Variants in EIF4E2 observed in about 807,000 individuals in gnomAD.
EIF4E2 encodes eukaryotic translation initiation factor 4E type 2.
A neutral mutation model predicts 34.2 loss-of-function variants in EIF4E2; 13 were observed. The ratio of observed to expected loss-of-function variants is 0.38; its 90% CI spans 0.25 to 0.60. The LOEUF is 0.60. Ranked by LOEUF, EIF4E2 falls within the 20% of genes least tolerant of loss-of-function variation. EIF4E2 has a pLI of 0.62. For missense variants in EIF4E2, 222 were observed against 315.1 expected (o/e 0.70, Z 2.24); for synonymous variants, 100 against 106.6 (o/e 0.94, Z 0.38).
intron 3 of EIF4E2, among the ~76,000 whole-genome samples, chr2:232,563,633 T>C (rs1229623034): frequency 6.6e-6 from 1 of 152,154 alleles, no homozygotes; most frequent in Non-Finnish European, 1.5e-5. Context: ...CACCATGATG[T>C]AGAGTGGTAT....
At chr2:232,564,451 A>G in intron 4 of EIF4E2, 100 bp downstream of exon 4, 1 of 597,610 alleles carries the variant, frequency 1.7e-6, no homozygotes, top group Non-Finnish European at 2.8e-6. Flanking sequence ...ATTTTATTTT[A>G]TTTTATTTTA....
chr2:232,561,107 T>C (rs1692706747), intron 3 of EIF4E2, among the ~76,000 whole-genome samples: 1 of 152,166 alleles, frequency 6.6e-6, no homozygotes, highest in African/African-American at 2.4e-5. Flanking sequence ...GTTTGGGGAA[T>C]ACTGCCTTGG....
At position 232,556,428 on chromosome 2, in the gene EIF4E2, T is replaced by C; in HGVS notation, c.33T>C (p.Asp11=). The C allele has an allele frequency of 6.2e-7, 1 of 1,613,526 alleles. No individual in the cohort carries two copies. The highest frequency in any genetic ancestry group is 2.2e-5 in the East Asian group (1 of 44,874). Residue 11 remains aspartate (D), a synonymous_variant, in exon 2 of 7, where the codon GAT becomes GAC. Transcript: ENST00000258416. ...CCTTTCCATTCAGTTTGAAAGATGA[T>C]GACAGTGGGGACCATGATCAGAATG... is the stretch of plus-strand genomic sequence containing the variant. The part of the protein sequence containing the change: MNNKFDALKD[D]DSGDHDQNEE...
intron 6 of EIF4E2, chr2:232,568,037 A>T (rs1692995919): frequency 1.0e-6 from 1 of 983,442 alleles, no homozygotes; most frequent in Non-Finnish European, 1.2e-6. Context: ...CTCCATCTGT[A>T]AAGTGGGAGA....
chr2:232,554,605 T>A lies in EIF4E2; in HGVS notation c.21-1811T>A, dbSNP rs561758462. ...CCAAATGTTTAATAAAGGGGAAGTT[T>A]AATAAAGGGGAAGGGAATATCATAA... On this transcript the variant is annotated intron_variant, in intron 1 of 6. Coordinates refer to ENST00000258416, the MANE Select transcript of EIF4E2 (RefSeq NM_004846.4). 3.3e-5 allele frequency among the ~76,000 whole-genome samples: 5 copies of A among 152,210 alleles called. No individual in the cohort carries two copies. In the East Asian group the frequency reaches 7.7e-4, roughly 24 times the overall value.
chr2:232,551,374 G>A (rs140532941), intron 1 of EIF4E2, among the ~76,000 whole-genome samples: 51 of 152,216 alleles, frequency 3.4e-4, no homozygotes, highest in African/African-American at 1.2e-3. Context: ...TGCCCGCTCC[G>A]GTTTCTAGTT....
exon 7 of EIF4E2, chr2:232,583,208 G>A (rs925251098): frequency 6.6e-6 from 1 of 152,222 alleles, no homozygotes; most frequent in Admixed American, 6.5e-5. Context: ...TGAGGAGAGT[G>A]AAGAGTCGGT....
At chr2:232,558,087 A>G in intron 3 of EIF4E2, 69 bp downstream of exon 3, 2 of 1,551,698 alleles carry the variant, frequency 1.3e-6, no homozygotes, top group Non-Finnish European at 8.7e-7. Flanking sequence ...TATGATGTTT[A>G]TTTACTTTCC....
intron 1 of EIF4E2, chr2:232,551,338 AC>A: frequency 2.1e-6 from 1 of 468,168 alleles, no homozygotes; most frequent in Non-Finnish European, 4.4e-6. Flanking sequence ...ACTCGCCAAG[AC>A]CTAAGTATAC....
At chr2:232,562,210 A>C (rs1018030721) in intron 3 of EIF4E2, among the ~76,000 whole-genome samples, 45 of 141,664 alleles carry the variant, frequency 3.2e-4, no homozygotes, top group Non-Finnish European at 6.4e-4. Flanking sequence ...GCAAGACCCC[A>C]TCTCAAATGA....
intron 1 of EIF4E2, among the ~76,000 whole-genome samples, chr2:232,552,109 C>T (rs1053534437): frequency 6.6e-6 from 1 of 152,168 alleles, no homozygotes; most frequent in African/African-American, 2.4e-5. Flanking sequence ...CCTAAGAAGA[C>T]ATCTTATGGG....
chr2:232,554,427 A>T (rs1692450041), intron 1 of EIF4E2, among the ~76,000 whole-genome samples: 1 of 152,154 alleles, frequency 6.6e-6, no homozygotes, highest in Non-Finnish European at 1.5e-5. Flanking sequence ...CACCATGCTG[A>T]GGCGTGGGTA....
In EIF4E2 at chr2:232,560,592, A is replaced by T. The variant is rs1049583287; in HGVS notation, c.270+2574A>T. On this transcript the variant is annotated intron_variant, in intron 3 of 6. Transcript: ENST00000258416. ...AGAGTTTGAGACCAGCCTGGGCAAC[A>T]TAGTGAGACCCCATCTGTATAGGAT... is the stretch of plus-strand genomic sequence containing the variant. Among the ~76,000 whole-genome samples, 3 of 152,236 alleles carry T rather than the reference A, an allele frequency of 2.0e-5. No homozygotes were observed. The South Asian group carries it at 6.2e-4, about 32-fold the overall frequency.
At chr2:232,559,565 A>G (rs1692647960) in intron 3 of EIF4E2, among the ~76,000 whole-genome samples, 1 of 152,226 alleles carries the variant, frequency 6.6e-6, no homozygotes, top group African/African-American at 2.4e-5. Context: ...TCCTTCCAAC[A>G]TTATGATAGC....
intron 6 of EIF4E2, among the ~76,000 whole-genome samples, chr2:232,576,012 T>G (rs1279072987): frequency 6.6e-6 from 1 of 152,168 alleles, no homozygotes; most frequent in Non-Finnish European, 1.5e-5. Flanking sequence ...GAGACCATCC[T>G]GGCCAACATG....
Position 232,563,714 on chromosome 2 carries a change from G to T in EIF4E2, c.271-533G>T, listed in dbSNP as rs151259693. ...ACAGGTCTAAGAGGTATTTACATGTGGTTGATTCTATCACTTATGCTTACT... is the reference window on the plus strand; with the variant it reads ...ACAGGTCTAAGAGGTATTTACATGTTGTTGATTCTATCACTTATGCTTACT... On this transcript the variant is annotated intron_variant, in intron 3 of 6. Transcript: ENST00000258416. 2.9e-3 allele frequency among the ~76,000 whole-genome samples: 436 copies of T among 152,266 alleles called. 2 individuals carry two copies. The highest frequency in any genetic ancestry group is 9.6e-3 in the African/African-American group (400 of 41,536).
chr2:232,561,267 C>CA (rs1458741248), intron 3 of EIF4E2, among the ~76,000 whole-genome samples: 2 of 151,206 alleles, frequency 1.3e-5, no homozygotes, highest in African/African-American at 4.9e-5. Flanking sequence ...GATCTTATCT[C>CA]AAAAAAAGAT....
intron 2 of EIF4E2, 107 bp downstream of exon 2, chr2:232,556,637 G>C (rs1692534759): frequency 1.3e-6 from 1 of 786,226 alleles, no homozygotes; most frequent in Non-Finnish European, 2.1e-6. Flanking sequence ...GGCATCCTGT[G>C]TTGGAATATC....
At position 232,574,441 on chromosome 2, in the gene EIF4E2, G is replaced by A. The variant is rs941714679; in HGVS notation, c.666-6463G>A. ...CCAAACTTGCCTCTACCAACATTGAGCCTCAGAGAAAAATATAAGTCCCAA... is the reference window on the plus strand; with the variant it reads ...CCAAACTTGCCTCTACCAACATTGAACCTCAGAGAAAAATATAAGTCCCAA... On this transcript the variant is annotated intron_variant, in intron 6 of 6. Transcript: ENST00000409098. 4.8e-6 allele frequency: 6 copies of A among 1,247,436 alleles called. No individual in the cohort carries two copies. The African/African-American group carries it at 6.0e-5, about 12-fold the overall frequency. 77.3% of individuals were successfully genotyped at this position (1,247,436 alleles called of 1,614,324 possible).
Sources: gnomAD v4.1 joint callset for allele counts (sites outside exome capture counted in the v4.1 genomes callset) on GRCh38, gnomAD v4.1.1 for gene constraint, MANE v1.5 for transcripts, NCBI Gene and HGNC (gene_info 2026-07-23, HGNC 2026-07-21) for gene names.